The following MYO16 variants were observed in gnomAD, a reference collection of about 807,000 sequenced individuals.
MYO16 encodes myosin XVI.
MYO16 carries 94 observed loss-of-function variants against 205.3 expected under a neutral mutation model. The ratio of observed to expected loss-of-function variants is 0.46; its 90% CI spans 0.39 to 0.54. The LOEUF (loss-of-function observed/expected upper bound fraction) is 0.54, where lower values mean the gene tolerates loss of function less well. MYO16 is among the 20% of genes least tolerant of loss of function. The pLI is 0.00. For synonymous variants in MYO16, 988 were observed against 954.0 expected, an observed-to-expected ratio of 1.04 and a Z score of -0.66; for missense variants, 2,315 against 2,387.5, an observed-to-expected ratio of 0.97 and a Z score of 0.63.
chr13:109,206,187 G>A (rs1203304093), intron 34 of MYO16, among the ~76,000 whole-genome samples: 1 of 152,216 alleles, frequency 6.6e-6, no homozygotes, highest in Non-Finnish European at 1.5e-5. Context: ...TATGTGGACA[G>A]ATGGAGGAGC....
chr13:109,168,727 A>T (rs1203202602), intron 33 of MYO16, among the ~76,000 whole-genome samples: 1 of 152,202 alleles, frequency 6.6e-6, no homozygotes, highest in African/African-American at 2.4e-5. Flanking sequence ...TTTGTCTAAA[A>T]AAATAAGATA....
chr13:109,139,609 T>TA (rs1222452026), intron 31 of MYO16, among the ~76,000 whole-genome samples: 1 of 152,208 alleles, frequency 6.6e-6, no homozygotes. Flanking sequence ...ACTTGCGTCT[T>TA]AAGAGCTGAG....
At chr13:108,653,772 T>A (rs1046071426) in intron 1 of MYO16, among the ~76,000 whole-genome samples, 1 of 151,000 alleles carries the variant, frequency 6.6e-6, no homozygotes, top group African/African-American at 2.4e-5. Context: ...CACACACACA[T>A]GCATATATAT....
chr13:108,940,484 C>T (rs1052963564), intron 16 of MYO16, among the ~76,000 whole-genome samples: 5 of 152,146 alleles, frequency 3.3e-5, no homozygotes, highest in Non-Finnish European at 5.9e-5. Context: ...TCTGCAAATG[C>T]ACTTACTCCC....
rs1305588136 is a variant in MYO16 at position 109,207,493 on chromosome 13, C to T, written c.*657C>T. 6.6e-6 allele frequency: 1 copy of T among 152,086 alleles called. No individual in the cohort carries two copies. The highest frequency in any genetic ancestry group is 1.5e-5 in the Non-Finnish European group (1 of 68,020). The allele number at this position is 152,086 out of a possible 1,614,324, so 9.4% of individuals were successfully genotyped here. A position where few individuals can be genotyped will look rare whatever the true frequency, so the allele number is the denominator to read the frequency against. On this transcript the variant is annotated 3_prime_UTR_variant, in exon 35 of 35. Coordinates refer to ENST00000457511, the MANE Select transcript of MYO16 (RefSeq NM_001198950.3). Reference sequence around the variant, plus strand: ...ATTGTTGTTTTAGCTTCGCCAGTGTCACCCCTTGCAAAACTATGAATTGAG... The same window carrying T: ...ATTGTTGTTTTAGCTTCGCCAGTGTTACCCCTTGCAAAACTATGAATTGAG...
At chr13:108,613,227 G>A (rs1879239052) in intron 1 of MYO16, among the ~76,000 whole-genome samples, 1 of 152,178 alleles carries the variant, frequency 6.6e-6, no homozygotes, top group African/African-American at 2.4e-5. Flanking sequence ...TCATTTGTGT[G>A]TCTGGGAAAT....
chr13:109,122,224 C>T (rs557546999), intron 29 of MYO16, among the ~76,000 whole-genome samples: 3 of 152,260 alleles, frequency 2.0e-5, no homozygotes, highest in East Asian at 1.9e-4. Context: ...CACAAATTCT[C>T]CTGAAAACTT....
At chr13:108,800,167 A>G (rs1274571086) in intron 6 of MYO16, among the ~76,000 whole-genome samples, 2 of 152,170 alleles carry the variant, frequency 1.3e-5, no homozygotes, top group African/African-American at 2.4e-5. Flanking sequence ...GGCACCCCCT[A>G]AAATAGAACC....
chr13:108,582,425 A>T, the MYO16 span, among the ~76,000 whole-genome samples: 7 of 152,208 alleles, frequency 4.6e-5, no homozygotes, highest in Admixed American at 2.0e-4. Flanking sequence ...TAAACCTGAG[A>T]TCTTTAAAGA....
intron 16 of MYO16, among the ~76,000 whole-genome samples, chr13:108,955,142 C>T (rs1883300432): frequency 6.6e-6 from 1 of 152,242 alleles, no homozygotes; most frequent in African/African-American, 2.4e-5. Context: ...CCTGAGATGG[C>T]ACCAGCCTTC....
intron 2 of MYO16, among the ~76,000 whole-genome samples, chr13:108,710,235 A>G (rs1883667475): frequency 6.6e-6 from 1 of 152,224 alleles, no homozygotes; most frequent in African/African-American, 2.4e-5. Context: ...TAATAATTAA[A>G]TGACACGAAC....
chr13:109,189,148 G>C (rs1879810023), intron 34 of MYO16, among the ~76,000 whole-genome samples: 2 of 150,106 alleles, frequency 1.3e-5, no homozygotes, highest in Non-Finnish European at 3.0e-5. Context: ...AAAGATGAAG[G>C]CCAAAAGATT....
At chr13:108,955,133 C>T (rs1031420224) in intron 16 of MYO16, among the ~76,000 whole-genome samples, 1 of 152,354 alleles carries the variant, frequency 6.6e-6, no homozygotes, top group East Asian at 1.9e-4. Flanking sequence ...CCCTGCTCCC[C>T]TGAGATGGCA....
At chr13:108,967,018 A>C (rs1361994777) in intron 20 of MYO16, among the ~76,000 whole-genome samples, 1 of 152,026 alleles carries the variant, frequency 6.6e-6, no homozygotes, top group African/African-American at 2.4e-5. Context: ...GAATAGACAT[A>C]TTTTTCACAG....
chr13:108,781,513 G>A (rs57054641), intron 4 of MYO16, among the ~76,000 whole-genome samples: 51,449 of 151,872 alleles, frequency 0.34, 9,864 homozygotes, highest in East Asian at 0.63. Flanking sequence ...CTGCACGGCC[G>A]GTTCTCCATT....
intron 27 of MYO16, among the ~76,000 whole-genome samples, chr13:109,063,645 C>T (rs1012696865): frequency 1.3e-5 from 2 of 152,158 alleles, no homozygotes; most frequent in Non-Finnish European, 2.9e-5. Flanking sequence ...TTTTAAGCTG[C>T]TCAATCTACA....
intron 9 of MYO16, among the ~76,000 whole-genome samples, chr13:108,841,057 T>C (rs1814936208): frequency 6.6e-6 from 1 of 152,196 alleles, no homozygotes; most frequent in Admixed American, 6.5e-5. Context: ...AAAATGTATA[T>C]GAAAATGCTA....
At chr13:108,943,407 T>C (rs1882808897) in intron 16 of MYO16, among the ~76,000 whole-genome samples, 2 of 152,224 alleles carry the variant, frequency 1.3e-5, no homozygotes, top group African/African-American at 2.4e-5. Flanking sequence ...TTAAGGGTGA[T>C]ATCATCAACA....
At chr13:108,624,781 CTGAGTGTG>C (rs1342818999), upstream of MYO16, among the ~76,000 whole-genome samples, 2,411 of 121,612 alleles carry the variant, frequency 0.02, 37 homozygotes, top group South Asian at 0.037. Context: ...CCCATATAGC[CTGAGTGTG>C]TGTGTGTGTG....
Sources: allele counts gnomAD v4.1 joint callset (sites outside exome capture counted in the v4.1 genomes callset), GRCh38; gene constraint gnomAD v4.1.1; transcripts MANE v1.5; gene names NCBI Gene and HGNC (gene_info 2026-07-23, HGNC 2026-07-21).